Variants in TRPM3 observed in about 807,000 individuals in gnomAD.
TRPM3 encodes transient receptor potential cation channel subfamily M member 3, also known as long transient receptor potential channel 3.
In TRPM3, 77 loss-of-function variants were observed where a neutral mutation model predicts 181.2. That is an observed-to-expected ratio of 0.42 (90% CI 0.35 to 0.51). The LOEUF (loss-of-function observed/expected upper bound fraction) is 0.51. TRPM3 is among the 20% of genes least tolerant of loss of function. TRPM3 has a pLI of 0.01. For missense variants in TRPM3, 1,759 were observed against 2,196.7 expected (o/e 0.80, Z 3.98); for synonymous variants, 745 against 796.4 (o/e 0.94, Z 1.09).
At chr9:70,775,683 C>T (rs2081219026) in intron 7 of TRPM3, 1 of 152,214 alleles carries the variant, frequency 6.6e-6, no homozygotes, top group Middle Eastern at 3.4e-3. Flanking sequence ...GTCTCTGGAC[C>T]AAAAGCATAG....
chr9:70,684,821 T>G (rs189215182), intron 8 of TRPM3, among the ~76,000 whole-genome samples: 2 of 152,300 alleles, frequency 1.3e-5, no homozygotes, highest in East Asian at 3.9e-4. Flanking sequence ...TGCAATGATG[T>G]TTGTGAGTGA....
chr9:70,843,204 A>T, intron 4 of TRPM3, 77 bp from the exon 5 acceptor site: 1 of 1,462,382 alleles, frequency 6.8e-7, no homozygotes, highest in Non-Finnish European at 9.3e-7. Context: ...AACTGTGGTA[A>T]TGGTTTCTCC....
intron 6 of TRPM3, among the ~76,000 whole-genome samples, chr9:70,807,101 T>C (rs115623535): frequency 0.011 from 1,607 of 152,358 alleles, 21 homozygotes; most frequent in Middle Eastern, 0.034. Context: ...ATTAATTTTA[T>C]GTGTGTCTAA....
intron 1 of TRPM3, among the ~76,000 whole-genome samples, chr9:71,317,353 G>T (rs2088703081): frequency 6.6e-6 from 1 of 152,162 alleles, no homozygotes; most frequent in Non-Finnish European, 1.5e-5. Flanking sequence ...ATAGAACAAG[G>T]CCTGGAACAG....
At chr9:70,938,861 G>A (rs1196901319) in intron 1 of TRPM3, among the ~76,000 whole-genome samples, 2 of 151,938 alleles carry the variant, frequency 1.3e-5, no homozygotes, top group Non-Finnish European at 1.5e-5. Flanking sequence ...GGGAAGCTGA[G>A]GCAGGAGAAT....
chr9:70,788,058 T>A (rs2084322923), intron 6 of TRPM3, among the ~76,000 whole-genome samples: 4 of 149,760 alleles, frequency 2.7e-5, no homozygotes, highest in Admixed American at 1.3e-4. Flanking sequence ...CATATGCACA[T>A]TGTGCAGGTT....
chr9:71,280,405 T>A (rs185599203), intron 1 of TRPM3, among the ~76,000 whole-genome samples: 1 of 152,274 alleles, frequency 6.6e-6, no homozygotes, highest in Admixed American at 6.5e-5. Context: ...ATGTATGTTA[T>A]GTGTGATGCT....
chr9:70,867,612 C>G (rs763019937), intron 1 of TRPM3, among the ~76,000 whole-genome samples: 2 of 151,968 alleles, frequency 1.3e-5, no homozygotes, highest in Non-Finnish European at 2.9e-5. Flanking sequence ...AAAAGAGAAA[C>G]AGAACATTAA....
intron 6 of TRPM3, among the ~76,000 whole-genome samples, chr9:70,808,986 AG>A (rs2091299594): frequency 6.6e-6 from 1 of 152,236 alleles, no homozygotes; most frequent in Non-Finnish European, 1.5e-5. Context: ...GAGCTGAAAA[AG>A]TCCTATCACC....
Position 70,590,862 on chromosome 9 carries a change from A to T in TRPM3, c.3223+169T>A, listed in dbSNP as rs370791289. 4.4e-4 allele frequency: 340 copies of T among 779,992 alleles called. 2 individuals carry two copies. The African/African-American group carries it at 5.4e-3, about 12-fold the overall frequency. The allele number at this position is 779,992 out of a possible 1,614,324, so 48.3% of individuals were successfully genotyped here. On this transcript the variant is annotated intron_variant, in intron 22 of 25. Transcript: ENST00000677713. ...AATACCCAAGAACTACTTTGCTAAA[A>T]TTGTGTATTCACCTTCTGTAATTTT... is the stretch of plus-strand genomic sequence containing the variant.
chr9:71,436,068 G>A (rs1346007229), intron 1 of TRPM3, among the ~76,000 whole-genome samples: 1 of 152,028 alleles, frequency 6.6e-6, no homozygotes, highest in Non-Finnish European at 1.5e-5. Context: ...TTGAATCATG[G>A]GGGTCAGTCT....
Position 71,306,521 on chromosome 9 carries a change from A to G in TRPM3, c.183+140132T>C, listed in dbSNP as rs142533360. On this transcript the variant is annotated intron_variant, in intron 1 of 24. Coordinates refer to the TRPM3 transcript ENST00000357533. ...TATTAAAAAATCCAAAAAGTTTGGA[A>G]AATAGATTATAAATTCACTATTCTG... Among the ~76,000 whole-genome samples, 525 of 152,336 alleles carry G rather than the reference A, an allele frequency of 3.4e-3. 6 individuals carry two copies. Among genetic ancestry groups the G allele is most frequent in the African/African-American group, 0.012 (499 of 41,594 alleles).
At position 70,536,268 on chromosome 9, in the gene TRPM3, T is replaced by G; in HGVS notation, c.4845A>C (p.Lys1615Asn). The change falls in exon 26 of 26, where the codon AAA (lysine) becomes AAC (asparagine). Residue 1615 changes from lysine (K) to asparagine (N), a missense_variant. Physicochemically the swap from Lys to Asn is moderately conservative, Grantham distance 94. Around this residue, in one of 8 missense-constraint regions of TRPM3, gnomAD observed 612 missense variants for 590.0 expected, o/e 1.04. Coordinates refer to ENST00000677713, the MANE Select transcript of TRPM3 (RefSeq NM_001366145.2). ...PSSDSEENEA[K>N]GRRATIAISS... The stretch of plus-strand genomic sequence containing the variant: ...ATATTGCAATGGTGGCTCTGCGGCC[T>G]TTGGCCTCATTCTCCTCACTGTCAG... 6.2e-7 allele frequency: 1 copy of G among 1,614,216 alleles called. No homozygotes were observed. The highest frequency in any genetic ancestry group is 1.3e-5 in the African/African-American group (1 of 75,060).
At chr9:70,765,403 C>T (rs1371114678) in intron 7 of TRPM3, among the ~76,000 whole-genome samples, 1 of 151,954 alleles carries the variant, frequency 6.6e-6, no homozygotes, top group African/African-American at 2.4e-5. Flanking sequence ...CCAGCCTGGC[C>T]AACATATTGA....
intron 22 of TRPM3, among the ~76,000 whole-genome samples, chr9:70,562,491 A>G (rs1338685417): frequency 6.6e-6 from 1 of 152,172 alleles, no homozygotes; most frequent in Non-Finnish European, 1.5e-5. Context: ...CTTCTGGTCT[A>G]TCTGCTATGT....
chr9:70,860,725 C>T (rs974117741), intron 3 of TRPM3, among the ~76,000 whole-genome samples: 9 of 152,092 alleles, frequency 5.9e-5, no homozygotes, highest in Admixed American at 5.2e-4. Context: ...GAGTGTCTTT[C>T]GAAGTATTTA....
At chr9:71,165,351 T>C (rs530734822) in intron 1 of TRPM3, among the ~76,000 whole-genome samples, 1 of 152,282 alleles carries the variant, frequency 6.6e-6, no homozygotes, top group South Asian at 2.1e-4. Flanking sequence ...TGTTTTGTTA[T>C]GGGTTTTGTT....
In TRPM3 at chr9:71,130,723, A is replaced by G. The variant is rs966539112; in HGVS notation, c.184-266212T>C. ...GCCTAAATGGTACATGCGTTGGCAC[A>G]GGGTATCTGGTTGACTGCATGGGAC... On this transcript the variant is annotated intron_variant, in intron 1 of 24. Coordinates refer to the TRPM3 transcript ENST00000357533. 2.6e-5 allele frequency among the ~76,000 whole-genome samples: 4 copies of G among 152,174 alleles called. 1 individual carries two copies. The highest frequency in any genetic ancestry group is 9.6e-5 in the African/African-American group (4 of 41,454).
intron 1 of TRPM3, among the ~76,000 whole-genome samples, chr9:71,073,075 T>A (rs900044890): frequency 6.6e-6 from 1 of 152,198 alleles, no homozygotes; most frequent in African/African-American, 2.4e-5. Flanking sequence ...TTCATTCCCC[T>A]TTGTTCAGTC....
Sources: gnomAD v4.1 joint callset for allele counts (sites outside exome capture counted in the v4.1 genomes callset) on GRCh38, gnomAD v4.1.1 for gene constraint, gnomAD v4.1.1 regional missense constraint, MANE v1.5 for transcripts, NCBI Gene and HGNC (gene_info 2026-07-23, HGNC 2026-07-21) for gene names.